The following ADAMTSL1 variants were observed in gnomAD, a reference collection of about 807,000 sequenced individuals.
ADAMTSL1 encodes ADAMTS like 1.
In ADAMTSL1, 126 loss-of-function variants were observed where a neutral mutation model predicts 201.8. That is an observed-to-expected ratio of 0.62 (90% CI 0.54 to 0.72). ADAMTSL1 has a LOEUF of 0.72. Ranked by LOEUF, ADAMTSL1 falls within the 30% of genes least tolerant of loss-of-function variation. The probability of loss-of-function intolerance (pLI) is 0.00; values close to 1 mark genes in which losing one functional copy is unlikely to be tolerated. For missense variants in ADAMTSL1, 2,679 were observed against 2,277.8 expected, an observed-to-expected ratio of 1.18 and a Z score of -3.59; for synonymous variants, 1,121 against 903.4, an observed-to-expected ratio of 1.24 and a Z score of -4.32.
chr9:17,981,874 T>C (rs779303960), intron 1 of ADAMTSL1, among the ~76,000 whole-genome samples: 1 of 152,170 alleles, frequency 6.6e-6, no homozygotes, highest in Non-Finnish European at 1.5e-5. Flanking sequence ...GTCACTAGGA[T>C]ATAGCTATTT....
chr9:18,169,764 A>T (rs1218989845), intron 2 of ADAMTSL1, among the ~76,000 whole-genome samples: 1 of 152,102 alleles, frequency 6.6e-6, no homozygotes, highest in Non-Finnish European at 1.5e-5. Context: ...TGAGCATGGA[A>T]TGTTCTTCCA....
intron 20 of ADAMTSL1, among the ~76,000 whole-genome samples, chr9:18,797,529 T>C (rs1417529467): frequency 1.3e-5 from 2 of 152,162 alleles, no homozygotes; most frequent in African/African-American, 4.8e-5. Context: ...TGGGAGAAAG[T>C]TGCAATTTAC....
intron 22 of ADAMTSL1, among the ~76,000 whole-genome samples, chr9:18,828,533 T>A: frequency 6.6e-6 from 1 of 151,080 alleles, no homozygotes; most frequent in Non-Finnish European, 1.5e-5. Context: ...ATGAGAAAAC[T>A]AAGGCTCTGA....
chr9:18,011,550 G>A (rs150482424), intron 1 of ADAMTSL1, among the ~76,000 whole-genome samples: 3 of 152,006 alleles, frequency 2.0e-5, no homozygotes, highest in African/African-American at 7.2e-5. Flanking sequence ...ACAAGCTCTG[G>A]AAATCTGCCT....
intron 1 of ADAMTSL1, among the ~76,000 whole-genome samples, chr9:17,936,278 TG>T (rs1163218620): frequency 6.6e-6 from 1 of 152,200 alleles, no homozygotes; most frequent in African/African-American, 2.4e-5. Flanking sequence ...TGTTTACTTA[TG>T]CTTTAAAAAA....
At chr9:18,359,237 C>A (rs1224685825) in intron 2 of ADAMTSL1, among the ~76,000 whole-genome samples, 1 of 152,076 alleles carries the variant, frequency 6.6e-6, no homozygotes, top group Admixed American at 6.5e-5. Flanking sequence ...AAAGATATCC[C>A]CTTCCCTCTA....
chr9:18,019,860 A>G (rs966361631), intron 1 of ADAMTSL1, among the ~76,000 whole-genome samples: 2 of 152,098 alleles, frequency 1.3e-5, no homozygotes, highest in Non-Finnish European at 1.5e-5. Context: ...CCTGGAGGGC[A>G]TAGCTGAGAG....
chr9:18,280,788 C>G (rs1341451468), intron 2 of ADAMTSL1, among the ~76,000 whole-genome samples: 1 of 151,804 alleles, frequency 6.6e-6, no homozygotes, highest in Non-Finnish European at 1.5e-5. Flanking sequence ...GTTCCAGTAG[C>G]TTTCCTTTGG....
At position 18,071,501 on chromosome 9, in the gene ADAMTSL1, C is replaced by A. The variant is rs377248488; in HGVS notation, c.88-92361C>A. Among the ~76,000 whole-genome samples, 3 of 152,188 alleles carry A rather than the reference C, an allele frequency of 2.0e-5. No individual in the cohort carries two copies. In the East Asian group the frequency reaches 5.8e-4, roughly 29 times the overall value. ...AGTGGTTATGTTATTGTTCCAAATT[C>A]TCAAATGTGAAAAATACTTTGTAAA... On this transcript the variant is annotated intron_variant, in intron 1 of 29. Coordinates refer to the ADAMTSL1 transcript ENST00000680146.
At chr9:18,045,892 AT>A (rs1563967607) in intron 1 of ADAMTSL1, among the ~76,000 whole-genome samples, 3 of 152,156 alleles carry the variant, frequency 2.0e-5, no homozygotes. Flanking sequence ...AGCAAAAAAA[AT>A]TTCCCTGTTC....
chr9:18,188,331 T>G (rs751990760), intron 2 of ADAMTSL1, among the ~76,000 whole-genome samples: 3 of 152,192 alleles, frequency 2.0e-5, no homozygotes, highest in Non-Finnish European at 4.4e-5. Context: ...CAGTCAGTAG[T>G]AGAATTGAGA....
intron 15 of ADAMTSL1, among the ~76,000 whole-genome samples, chr9:18,738,532 G>C (rs968753957): frequency 4.6e-5 from 7 of 151,946 alleles, no homozygotes; most frequent in African/African-American, 1.7e-4. Context: ...GGCTGGCTTG[G>C]GGTAGAAACA....
At chr9:18,591,512 A>G (rs927834151) in intron 4 of ADAMTSL1, among the ~76,000 whole-genome samples, 1 of 152,120 alleles carries the variant, frequency 6.6e-6, no homozygotes, top group Non-Finnish European at 1.5e-5. Context: ...GCCCATTTAC[A>G]TTTAATGTTA....
intron 2 of ADAMTSL1, among the ~76,000 whole-genome samples, chr9:18,294,874 A>G (rs1031423429): frequency 7.9e-5 from 12 of 152,192 alleles, no homozygotes; most frequent in Non-Finnish European, 1.8e-4. Flanking sequence ...AAGGCCTGCC[A>G]TGCTTTCTCT....
At chr9:17,936,749 C>T (rs1478445450) in intron 1 of ADAMTSL1, among the ~76,000 whole-genome samples, 2 of 152,188 alleles carry the variant, frequency 1.3e-5, no homozygotes, top group African/African-American at 4.8e-5. Flanking sequence ...CCCAACCTCG[C>T]CACCGCCTGC....
At chr9:18,841,288 A>G (rs1825700536) in intron 23 of ADAMTSL1, among the ~76,000 whole-genome samples, 1 of 151,980 alleles carries the variant, frequency 6.6e-6, no homozygotes, top group Non-Finnish European at 1.5e-5. Flanking sequence ...GCATCTATTG[A>G]GATAATCATG....
At chr9:17,940,948 T>C (rs980492833) in intron 1 of ADAMTSL1, among the ~76,000 whole-genome samples, 6 of 151,942 alleles carry the variant, frequency 3.9e-5, no homozygotes, top group Admixed American at 2.6e-4. Context: ...TTCTCTCAGA[T>C]ATTTTCACAT....
intron 1 of ADAMTSL1, among the ~76,000 whole-genome samples, chr9:18,066,329 C>G (rs1159579686): frequency 2.0e-5 from 3 of 152,018 alleles, no homozygotes; most frequent in Non-Finnish European, 4.4e-5. Flanking sequence ...ACCAGGGTAA[C>G]TAGTGTTCAG....
intron 1 of ADAMTSL1, among the ~76,000 whole-genome samples, chr9:18,140,785 T>C (rs138807598): frequency 1.3e-5 from 2 of 152,294 alleles, no homozygotes; most frequent in African/African-American, 4.8e-5. Flanking sequence ...TCTGGCCTGG[T>C]ATGTTAACTG....
Sources: allele counts gnomAD v4.1 joint callset (sites outside exome capture counted in the v4.1 genomes callset), GRCh38; gene constraint gnomAD v4.1.1; transcripts MANE v1.5; gene names NCBI Gene and HGNC (gene_info 2026-07-23, HGNC 2026-07-21).